The following ANKRD36C variants were observed in gnomAD, a reference collection of about 807,000 sequenced individuals.
ANKRD36C encodes the protein ankyrin repeat domain 36C.
A neutral mutation model predicts 276.4 loss-of-function variants in ANKRD36C; 61 were observed. The observed-to-expected ratio is 0.22, with a 90% CI of 0.18 to 0.27. The LOEUF is 0.27. Among genes scored for constraint, ANKRD36C ranks in the 10% least tolerant of loss-of-function variants. The pLI is 1.00. For synonymous variants in ANKRD36C, 483 were observed against 680.1 expected, an observed-to-expected ratio of 0.71 and a Z score of 4.51; for missense variants, 1,447 against 2,032.3, an observed-to-expected ratio of 0.71 and a Z score of 5.54.
At chr2:95,973,022 A>G (rs1200598181) in intron 6 of ANKRD36C, among the ~76,000 whole-genome samples, 1 of 152,092 alleles carries the variant, frequency 6.6e-6, no homozygotes, top group East Asian at 1.9e-4. Context: ...AGGCAGGAAG[A>G]TTGCTTGAGA....
chr2:95,892,747 T>G (rs1486031925), intron 44 of ANKRD36C, among the ~76,000 whole-genome samples: 1 of 151,202 alleles, frequency 6.6e-6, no homozygotes, highest in East Asian at 2.0e-4. Flanking sequence ...TCTAAAGAAG[T>G]TTCATGAAAT....
chr2:95,979,920 G>GAGCA (rs1678883165), intron 5 of ANKRD36C, among the ~76,000 whole-genome samples: 1 of 152,000 alleles, frequency 6.6e-6, no homozygotes, highest in African/African-American at 2.4e-5. Flanking sequence ...CCAGGTAACA[G>GAGCA]AGCAAGGTTC....
intron 60 of ANKRD36C, among the ~76,000 whole-genome samples, chr2:95,862,108 T>G (rs1675599971): frequency 6.6e-6 from 1 of 152,236 alleles, no homozygotes; most frequent in Admixed American, 6.5e-5. Context: ...CCAAAGTGGA[T>G]AGAACTACAA....
chr2:95,878,433 A>G (rs935421888), intron 58 of ANKRD36C, among the ~76,000 whole-genome samples: 4 of 152,184 alleles, frequency 2.6e-5, no homozygotes, highest in African/African-American at 9.7e-5. Flanking sequence ...ATTTAAAAAA[A>G]TAGGTTTCTT....
At chr2:95,884,575 T>A (rs1676159963) in intron 52 of ANKRD36C, among the ~76,000 whole-genome samples, 1 of 152,022 alleles carries the variant, frequency 6.6e-6, no homozygotes, top group Admixed American at 6.6e-5. Flanking sequence ...ACTTACAATT[T>A]CAAGCATGGT....
At chr2:95,914,406 T>G in intron 38 of ANKRD36C, 103 bp from the exon 41 acceptor site, 1 of 1,409,508 alleles carries the variant, frequency 7.1e-7, no homozygotes, top group Non-Finnish European at 9.8e-7. Context: ...CTGCCTGTAT[T>G]AGCGTAGTCT....
chr2:95,866,191 GAACA>G (rs1210153179), intron 60 of ANKRD36C, among the ~76,000 whole-genome samples: 3 of 151,724 alleles, frequency 2.0e-5, no homozygotes, highest in Non-Finnish European at 3.0e-5. Context: ...AAAATTTCTA[GAACA>G]AACACAGGAA....
At chr2:95,927,742 A>G (rs1308676312) in intron 26 of ANKRD36C, among the ~76,000 whole-genome samples, 4 of 151,678 alleles carry the variant, frequency 2.6e-5, no homozygotes, top group Non-Finnish European at 4.4e-5. Context: ...ATCAATGTCA[A>G]AGCAGGTGGT....
intron 38 of ANKRD36C, among the ~76,000 whole-genome samples, chr2:95,915,222 A>G (rs186611812): frequency 2.0e-5 from 3 of 151,700 alleles, no homozygotes; most frequent in East Asian, 2.0e-4. Context: ...TCCAAGAGGT[A>G]GCTCCTTGAA....
At chr2:95,964,571 T>C (rs1247044504) in intron 6 of ANKRD36C, among the ~76,000 whole-genome samples, 1 of 152,084 alleles carries the variant, frequency 6.6e-6, no homozygotes, top group Non-Finnish European at 1.5e-5. Context: ...TACTAAAATG[T>C]TAAATGTATC....
At chr2:95,861,765 A>G (rs1012058224) in intron 60 of ANKRD36C, among the ~76,000 whole-genome samples, 2 of 152,154 alleles carry the variant, frequency 1.3e-5, no homozygotes, top group Non-Finnish European at 2.9e-5. Context: ...TATAAATGAC[A>G]CTTGTCTAAG....
exon 26 of ANKRD36C, chr2:95,929,092 T>G: frequency 6.2e-7 from 1 of 1,603,954 alleles, no homozygotes; most frequent in Non-Finnish European, 8.5e-7. Flanking sequence ...TATTGGTCCC[T>G]CCTTTATTTC....
At chr2:95,963,502 C>A (rs895936503) in intron 6 of ANKRD36C, among the ~76,000 whole-genome samples, 4 of 145,024 alleles carry the variant, frequency 2.8e-5, no homozygotes, top group African/African-American at 7.7e-5. Context: ...AATGTATGCA[C>A]ATTCATGTTT....
At chr2:95,981,851 G>T (rs555554932) in intron 4 of ANKRD36C, among the ~76,000 whole-genome samples, 1 of 151,946 alleles carries the variant, frequency 6.6e-6, no homozygotes, top group African/African-American at 2.4e-5. Flanking sequence ...TCAATTAAAA[G>T]CAACATCAAA....
intron 60 of ANKRD36C, among the ~76,000 whole-genome samples, chr2:95,860,418 G>A (rs1675545804): frequency 6.6e-6 from 1 of 151,778 alleles, no homozygotes; most frequent in Non-Finnish European, 1.5e-5. Flanking sequence ...GCTACACTGA[G>A]AAATGAAGGA....
Position 95,897,444 on chromosome 2 carries a change from C to T in ANKRD36C, c.2755+1701G>A, listed in dbSNP as rs759495195. ...AAATGACAGTTTCATTACCTTCAAG[C>T]CTGGTGGTTGCTCAGAAGACACTGA... On this transcript the variant is annotated intron_variant, in intron 44 of 66. Coordinates refer to ENST00000456556, the Ensembl canonical transcript of ANKRD36C. The T allele has an allele frequency of 2.6e-6, 4 of 1,537,706 alleles. No individual in the cohort carries two copies. In the African/African-American group the frequency reaches 4.1e-5, roughly 16 times the overall value.
intron 48 of ANKRD36C, among the ~76,000 whole-genome samples, chr2:95,888,740 G>C (rs1212497610): frequency 6.6e-6 from 1 of 151,576 alleles, no homozygotes; most frequent in African/African-American, 2.4e-5. Context: ...GTATCCACTC[G>C]TTTAGCCTTC....
intron 6 of ANKRD36C, among the ~76,000 whole-genome samples, chr2:95,963,015 T>C (rs13002434): frequency 1.2e-4 from 18 of 152,030 alleles, no homozygotes; most frequent in African/African-American, 3.6e-4. Context: ...TACACAATTA[T>C]GATGACACTT....
chr2:95,958,575 T>C lies in ANKRD36C; in HGVS notation c.1105+16A>G. The stretch of plus-strand genomic sequence containing the variant: ...TCTTCAGTGTACATGGCATTAAATG[T>C]GTATTGCAAAATTACCTGTCCCAGA... On this transcript the variant is annotated intron_variant, in intron 12 of 66. Transcript: ENST00000456556. The C allele has an allele frequency of 1.9e-6, 3 of 1,544,384 alleles. No homozygotes were observed. Among genetic ancestry groups the C allele is most frequent in the Non-Finnish European group, 2.6e-6 (3 of 1,146,346 alleles).
Sources: gnomAD v4.1 joint callset for allele counts (sites outside exome capture counted in the v4.1 genomes callset) on GRCh38, gnomAD v4.1.1 for gene constraint, MANE v1.5 for transcripts, NCBI Gene and HGNC (gene_info 2026-07-23, HGNC 2026-07-21) for gene names.